ATP2B3: variants seen among roughly 807,000 people sequenced by gnomAD.
The protein encoded by ATP2B3 is plasma membrane calcium-transporting ATPase 3.
Under a neutral mutation model 70.8 loss-of-function variants are expected in ATP2B3, and 12 were observed. The observed-to-expected ratio is 0.17, with a 90% CI of 0.11 to 0.27. The LOEUF is 0.27. Among genes scored for constraint, ATP2B3 ranks in the 10% least tolerant of loss-of-function variants. ATP2B3 has a pLI of 1.00. For synonymous variants in ATP2B3, 460 were observed against 497.8 expected (o/e 0.92, Z 1.01); for missense variants, 858 against 1,118.5 (o/e 0.77, Z 3.32).
chrX:153,530,737 C>T (rs1250894255), intron 2 of ATP2B3, among the ~76,000 whole-genome samples: 1 of 107,605 alleles, frequency 9.3e-6, no homozygotes, highest in Non-Finnish European at 1.9e-5. Context: ...CAAAGCTGTT[C>T]CAGGCATGAG....
intron 18 of ATP2B3, 121 bp downstream of exon 18, chrX:153,560,063 A>G (rs2090601991): frequency 2.7e-6 from 2 of 732,832 alleles, no homozygotes; most frequent in African/African-American, 2.1e-5. Context: ...GGGACGCTGC[A>G]CTTCCTGACT....
At chrX:153,546,806 C>T (rs1376398239) in intron 8 of ATP2B3, among the ~76,000 whole-genome samples, 3 of 113,054 alleles carry the variant, frequency 2.7e-5, no homozygotes, top group African/African-American at 9.6e-5. Context: ...AGAGATGACC[C>T]AGGCAACGCC....
intron 20 of ATP2B3, among the ~76,000 whole-genome samples, chrX:153,564,338 G>A (rs1320163769): frequency 1.8e-5 from 2 of 112,847 alleles, no homozygotes; most frequent in Non-Finnish European, 3.8e-5. Context: ...CTTTTCTTGC[G>A]GTGGTTCACA....
At position 153,580,190 on chromosome X, in the gene ATP2B3, C is replaced by T. The variant is rs782551645; in HGVS notation, c.3555C>T (p.Ala1185=). 2 of 1,207,887 alleles carry T rather than the reference C, an allele frequency of 1.7e-6. No individual in the cohort carries two copies. The highest frequency in any genetic ancestry group is 2.2e-6 in the Non-Finnish European group (2 of 893,874). The change falls in exon 22 of 22, where the codon GCC becomes GCT. Residue 1185 remains alanine (A), a synonymous_variant. Transcript: ENST00000263519. The part of the protein sequence containing the change: ...PPPSPNQNNN[A]IDSGIYLTTH... ...CGTCCCCCAACCAGAACAACAACGC[C>T]ATAGACAGCGGCATCTACCTGACCA...
At chrX:153,562,845 G>A (rs1028761014) in intron 20 of ATP2B3, among the ~76,000 whole-genome samples, 5 of 112,334 alleles carry the variant, frequency 4.5e-5, no homozygotes, top group South Asian at 3.7e-4. Context: ...TCGAAGTCCC[G>A]GAGGCTGGAT....
chrX:153,543,313 C>T (rs1304491482), intron 7 of ATP2B3, 145 bp downstream of exon 7: 7 of 845,315 alleles, frequency 8.3e-6, no homozygotes, highest in African/African-American at 4.2e-5. Flanking sequence ...TTTGATTCTC[C>T]GTGGAGACTC....
intron 21 of ATP2B3, among the ~76,000 whole-genome samples, chrX:153,570,485 C>T: frequency 8.9e-6 from 1 of 112,040 alleles, no homozygotes. Context: ...TAAAGAGAAC[C>T]CAGGGGCTGT....
chrX:153,519,010 G>A (rs1420885130), intron 2 of ATP2B3, among the ~76,000 whole-genome samples: 2 of 111,388 alleles, frequency 1.8e-5, no homozygotes, highest in Non-Finnish European at 3.8e-5. Context: ...CAGTCTGGCA[G>A]GCACCCCCTG....
intron 12 of ATP2B3, among the ~76,000 whole-genome samples, chrX:153,550,835 G>T (rs142897066): frequency 2.7e-5 from 3 of 111,371 alleles, no homozygotes; most frequent in Admixed American, 9.5e-5. Context: ...GGGCTCAAGC[G>T]ATCCACCCAC....
intron 16 of ATP2B3, among the ~76,000 whole-genome samples, chrX:153,557,644 G>A (rs2090558917): frequency 8.9e-6 from 1 of 112,167 alleles, no homozygotes; most frequent in Non-Finnish European, 1.9e-5. Context: ...CAGAGGAGAG[G>A]ACTGCGCAGC....
At position 153,582,763 on chromosome X, in the gene ATP2B3, A is replaced by G; in HGVS notation, c.*2465A>G. ...GCTTGGTCAACTGTGTTCAGTTCAT[A>G]AATATGTTTTACATTTTTATCTGCC... On this transcript the variant is annotated 3_prime_UTR_variant, in exon 22 of 22. Transcript: ENST00000263519. 8.9e-6 allele frequency: 1 copy of G among 112,767 alleles called. No individual in the cohort carries two copies. Among genetic ancestry groups the G allele is most frequent in the Non-Finnish European group, 1.9e-5 (1 of 53,309 alleles). 9.3% of individuals were successfully genotyped at this position (112,767 alleles called of 1,213,427 possible).
intron 16 of ATP2B3, 44 bp from the exon 17 acceptor site, chrX:153,558,068 G>C: frequency 8.7e-7 from 1 of 1,144,485 alleles, no homozygotes; most frequent in South Asian, 2.2e-5. Flanking sequence ...TGGGGAAGGG[G>C]CCCCCACAAA....
intron 9 of ATP2B3, among the ~76,000 whole-genome samples, 173 bp downstream of exon 9, chrX:153,548,172 C>A (rs2090399168): frequency 8.9e-6 from 1 of 112,733 alleles, no homozygotes; most frequent in Non-Finnish European, 1.9e-5. Context: ...CAGGGCCTGG[C>A]GCAGCCCTTC....
At chrX:153,565,250 C>T in intron 21 of ATP2B3, 147 bp downstream of exon 21, 3 of 780,487 alleles carry the variant, frequency 3.8e-6, no homozygotes, top group Non-Finnish European at 5.3e-6. Context: ...AAAGCAGCTG[C>T]CAGTGTCCCC....
intron 21 of ATP2B3, among the ~76,000 whole-genome samples, chrX:153,579,735 T>C (rs1413111315): frequency 9.0e-6 from 1 of 111,129 alleles, no homozygotes; most frequent in Non-Finnish European, 1.9e-5. Context: ...GGCCCACACC[T>C]GAAAACTCTT....
rs782045364 is a variant in ATP2B3, at chrX:153,559,818, A to G, written c.2715A>G (p.Thr905=). The G allele has an allele frequency of 3.1e-5, 37 of 1,210,474 alleles. No homozygotes were observed. The highest frequency in any genetic ancestry group is 2.8e-4 in the Admixed American group (13 of 45,864). Residue 905 remains threonine, a synonymous_variant, in exon 18 of 22, where the codon ACA becomes ACG. Transcript: ENST00000263519. ...TGGCCCTGGCGACGGAGCCACCCACAGAGTCGCTGCTGCTGCGGAAGCCGT... is the reference window on the plus strand; with the variant it reads ...TGGCCCTGGCGACGGAGCCACCCACGGAGTCGCTGCTGCTGCGGAAGCCGT... ...ASLALATEPP[T]ESLLLRKPYG...
intron 21 of ATP2B3, among the ~76,000 whole-genome samples, chrX:153,568,544 C>T (rs1438493212): frequency 8.9e-6 from 1 of 111,753 alleles, no homozygotes; most frequent in Non-Finnish European, 1.9e-5. Context: ...TCCTTCCGTG[C>T]GCTGACACAC....
chrX:153,529,790 C>A (rs1414422911), intron 2 of ATP2B3, among the ~76,000 whole-genome samples: 2 of 111,448 alleles, frequency 1.8e-5, no homozygotes, highest in Admixed American at 9.5e-5. Flanking sequence ...TCCTATGAGG[C>A]CCTCACAGGA....
At chrX:153,546,238 C>G in intron 8 of ATP2B3, 109 bp downstream of exon 8, 3 of 963,256 alleles carry the variant, frequency 3.1e-6, no homozygotes, top group Non-Finnish European at 4.4e-6. Flanking sequence ...AGGAGCAACA[C>G]TTGGAGACCA....
Sources: allele counts gnomAD v4.1 joint callset (sites outside exome capture counted in the v4.1 genomes callset), GRCh38; gene constraint gnomAD v4.1.1; transcripts MANE v1.5; gene names NCBI Gene and HGNC (gene_info 2026-07-23, HGNC 2026-07-21).